RCAN1: variants seen among roughly 807,000 people sequenced by gnomAD.
RCAN1 encodes calcipressin-1.
In RCAN1, 11 loss-of-function variants were observed where a neutral mutation model predicts 22.9. The observed-to-expected ratio is 0.48, with a 90% CI of 0.30 to 0.79. The LOEUF (loss-of-function observed/expected upper bound fraction) is 0.79. Ranked by LOEUF, RCAN1 falls within the 30% of genes least tolerant of loss-of-function variation. The pLI is 0.06. For missense variants in RCAN1, 291 were observed against 337.8 expected (o/e 0.86, Z 1.09); for synonymous variants, 136 against 142.3 (o/e 0.96, Z 0.32).
intron 1 of RCAN1, among the ~76,000 whole-genome samples, chr21:34,549,025 T>G (rs1398635752): frequency 6.6e-6 from 1 of 152,250 alleles, no homozygotes; most frequent in Non-Finnish European, 1.5e-5. Context: ...ATAGGGACTA[T>G]GAGACCGTTT....
intron 1 of RCAN1, among the ~76,000 whole-genome samples, chr21:34,590,026 CA>C (rs1371660815): frequency 1.3e-5 from 2 of 152,212 alleles, no homozygotes; most frequent in Admixed American, 6.5e-5. Flanking sequence ...CTTCAATACC[CA>C]TTTCCCTTTG....
intron 1 of RCAN1, among the ~76,000 whole-genome samples, chr21:34,530,575 T>G (rs866472296): frequency 5.3e-4 from 81 of 151,738 alleles, no homozygotes; most frequent in African/African-American, 1.8e-3. Context: ...TGATGACAGT[T>G]ACATTTTATT....
chr21:34,549,851 T>C (rs1477446809), intron 1 of RCAN1, among the ~76,000 whole-genome samples: 3 of 152,156 alleles, frequency 2.0e-5, no homozygotes, highest in South Asian at 2.1e-4. Context: ...GCACTGACCA[T>C]GCCAGCTACT....
chr21:34,570,728 T>C (rs971873361), intron 1 of RCAN1, among the ~76,000 whole-genome samples: 11 of 147,420 alleles, frequency 7.5e-5, no homozygotes, highest in African/African-American at 2.8e-4. Context: ...AAACCAAAAA[T>C]AGAATGTGAC....
At chr21:34,534,365 C>G (rs9976421) in intron 1 of RCAN1, among the ~76,000 whole-genome samples, 32,950 of 151,894 alleles carry the variant, frequency 0.22, 3,710 homozygotes, top group South Asian at 0.33. Flanking sequence ...GGAGCTCCCC[C>G]ATCCCCCAAC....
At position 34,523,593 on chromosome 21, in the gene RCAN1, G is replaced by A. The variant is rs770851392; in HGVS notation, c.370C>T (p.Leu124Phe). ...AGAAACTCAGTCTTATGCAGCTGGA[G>A]CCTGGCATCTGCTGCGGAGAAGGGG... ...SNPFSAADARLQLHKTEFLGK... is the reference protein window; with the variant it reads ...SNPFSAADARFQLHKTEFLGK... The change falls in exon 2 of 4, where the codon CTC becomes TTC. Residue 124 changes from leucine (L) to phenylalanine (F), a missense_variant. Transcript: ENST00000313806. 1.2e-6 allele frequency: 2 copies of A among 1,614,176 alleles called. No individual in the cohort carries two copies. Among genetic ancestry groups the A allele is most frequent in the Non-Finnish European group, 1.7e-6 (2 of 1,180,032 alleles).
At chr21:34,578,832 C>T (rs892509295) in intron 1 of RCAN1, among the ~76,000 whole-genome samples, 3 of 152,146 alleles carry the variant, frequency 2.0e-5, no homozygotes, top group Non-Finnish European at 2.9e-5. Context: ...CCTGGCCACT[C>T]GGTTGGGCTG....
At chr21:34,589,531 A>T (rs545900938) in intron 1 of RCAN1, among the ~76,000 whole-genome samples, 1 of 152,318 alleles carries the variant, frequency 6.6e-6, no homozygotes, top group South Asian at 2.1e-4. Flanking sequence ...TGCGTGTGTC[A>T]AACTGGCCCC....
At chr21:34,594,619 C>T (rs1324210331) in intron 1 of RCAN1, among the ~76,000 whole-genome samples, 1 of 152,152 alleles carries the variant, frequency 6.6e-6, no homozygotes, top group Non-Finnish European at 1.5e-5. Flanking sequence ...CCTCAGGCCC[C>T]TAAGTCAGTT....
intron 1 of RCAN1, among the ~76,000 whole-genome samples, chr21:34,587,852 G>A (rs933686798): frequency 2.6e-5 from 4 of 152,110 alleles, no homozygotes; most frequent in African/African-American, 4.8e-5. Context: ...TTTGAGATGC[G>A]ATTAACATTT....
At chr21:34,527,362 T>G (rs1193744434) in intron 1 of RCAN1, among the ~76,000 whole-genome samples, 1 of 152,098 alleles carries the variant, frequency 6.6e-6, no homozygotes, top group Non-Finnish European at 1.5e-5. Flanking sequence ...AGAGAAAACA[T>G]TTTGAAATCT....
chr21:34,559,277 C>T (rs1016446105), intron 1 of RCAN1: 10 of 152,162 alleles, frequency 6.6e-5, no homozygotes, highest in Non-Finnish European at 1.5e-4. Context: ...TGATTCACAG[C>T]GCAGGAGTCT....
At chr21:34,607,656 C>T (rs758323211) in intron 1 of RCAN1, among the ~76,000 whole-genome samples, 9 of 152,182 alleles carry the variant, frequency 5.9e-5, no homozygotes, top group Non-Finnish European at 1.0e-4. Context: ...CATTAGTCAC[C>T]ACACCCAGCC....
At chr21:34,565,497 G>A (rs1315810491) in intron 1 of RCAN1, among the ~76,000 whole-genome samples, 4 of 152,192 alleles carry the variant, frequency 2.6e-5, no homozygotes, top group South Asian at 2.1e-4. Flanking sequence ...CCACTGACAC[G>A]CTGGTTGGGA....
At position 34,602,626 on chromosome 21, in the gene RCAN1, C is replaced by G. The variant is rs936079607; in HGVS notation, c.252+12134G>C. Among the ~76,000 whole-genome samples, 6 of 152,140 alleles carry G rather than the reference C, an allele frequency of 3.9e-5. No individual in the cohort carries two copies. The South Asian group carries it at 1.0e-3, about 26-fold the overall frequency. On this transcript the variant is annotated intron_variant, in intron 1 of 3. Transcript: ENST00000313806. ...GCATGTGAGGGAAGCTGTACAAATTCCCCAGAATCGTGACTCCAGCCCAGA... is the reference window on the plus strand; with the variant it reads ...GCATGTGAGGGAAGCTGTACAAATTGCCCAGAATCGTGACTCCAGCCCAGA...
At chr21:34,525,245 C>T (rs879121736) in intron 1 of RCAN1, 9 of 1,550,600 alleles carry the variant, frequency 5.8e-6, no homozygotes, top group East Asian at 2.4e-5. Flanking sequence ...GCAGGGTAGT[C>T]GGTCCCTGCC....
rs1008791871 is a variant in RCAN1, at chr21:34,572,859, A to G, written c.252+41901T>C. 5.4e-4 allele frequency among the ~76,000 whole-genome samples: 82 copies of G among 152,336 alleles called. 1 individual carries two copies. The highest frequency in any genetic ancestry group is 1.9e-3 in the African/African-American group (77 of 41,580). On this transcript the variant is annotated intron_variant, in intron 1 of 3. Transcript: ENST00000313806. ...GTCTTCACATGACAGCAGGAGAGAG[A>G]CAGTGAAAGGGGAGATGCTATACAC...
At chr21:34,568,439 C>T (rs1387395693) in intron 1 of RCAN1, among the ~76,000 whole-genome samples, 1 of 152,198 alleles carries the variant, frequency 6.6e-6, no homozygotes, top group African/African-American at 2.4e-5. Flanking sequence ...TCCAACTTCA[C>T]AATGAAGTGA....
chr21:34,593,688 C>A (rs957035297), intron 1 of RCAN1, among the ~76,000 whole-genome samples: 2 of 152,106 alleles, frequency 1.3e-5, no homozygotes, highest in Non-Finnish European at 2.9e-5. Context: ...GTTGGGAGGT[C>A]GGGCTGAGGC....
Sources: allele counts gnomAD v4.1 joint callset (sites outside exome capture counted in the v4.1 genomes callset), GRCh38; gene constraint gnomAD v4.1.1; transcripts MANE v1.5; gene names NCBI Gene and HGNC (gene_info 2026-07-23, HGNC 2026-07-21).